PATJ: variants seen among roughly 807,000 people sequenced by gnomAD.
PATJ encodes PATJ crumbs cell polarity complex component, also known as inaD-like protein.
In PATJ, 190 loss-of-function variants were observed where a neutral mutation model predicts 224.9. The observed-to-expected ratio is 0.84, with a 90% confidence interval of 0.75 to 0.95. The LOEUF (loss-of-function observed/expected upper bound fraction) is 0.95, where lower values mean the gene tolerates loss of function less well. Ranked by LOEUF, PATJ falls within the 40% of genes least tolerant of loss-of-function variation. The pLI, the probability that PATJ is intolerant of heterozygous loss-of-function variation, is 0.00. For synonymous variants in PATJ, 769 were observed against 820.3 expected (o/e 0.94, Z 1.07); for missense variants, 2,121 against 2,270.3 (o/e 0.93, Z 1.34).
At chr1:61,792,503 T>C (rs1650093137) in intron 9 of PATJ, among the ~76,000 whole-genome samples, 2 of 152,258 alleles carry the variant, frequency 1.3e-5, no homozygotes, top group Admixed American at 1.3e-4. Context: ...AGTATCATTT[T>C]ACTATTTTAC....
At chr1:61,823,789 C>T (rs1005406755) in intron 15 of PATJ, among the ~76,000 whole-genome samples, 3 of 151,878 alleles carry the variant, frequency 2.0e-5, no homozygotes, top group Admixed American at 2.0e-4. Flanking sequence ...ACAGGGATAC[C>T]AAGTAGGTCT....
chr1:61,929,691 G>A (rs778071043), intron 27 of PATJ, among the ~76,000 whole-genome samples: 6 of 152,072 alleles, frequency 3.9e-5, no homozygotes, highest in Non-Finnish European at 8.8e-5. Context: ...TAACATCATC[G>A]ATACTTGCTG....
chr1:61,775,831 A>G (rs2148402165), intron 7 of PATJ, among the ~76,000 whole-genome samples: 1 of 152,308 alleles, frequency 6.6e-6, no homozygotes, highest in African/African-American at 2.4e-5. Context: ...AAAATTAGCA[A>G]CTGTTTCTGC....
At chr1:61,747,850 G>A (rs1273827962) in intron 1 of PATJ, among the ~76,000 whole-genome samples, 1 of 152,208 alleles carries the variant, frequency 6.6e-6, no homozygotes, top group Non-Finnish European at 1.5e-5. Flanking sequence ...GAAATGTGCT[G>A]TAAATGCACA....
At chr1:61,791,804 G>A (rs1649927578) in intron 9 of PATJ, among the ~76,000 whole-genome samples, 1 of 151,800 alleles carries the variant, frequency 6.6e-6, no homozygotes, top group Non-Finnish European at 1.5e-5. Flanking sequence ...TATTGTAAAT[G>A]TTCCCAAAGT....
rs1372747156 is a variant in PATJ, at chr1:62,106,156, G to GTATA, written c.4378-2280_4378-2279insATAT. 1.2e-3 allele frequency among the ~76,000 whole-genome samples: 64 copies of GTATA among 54,864 alleles called. 7 individuals are homozygous for GTATA. The highest frequency in any genetic ancestry group is 2.5e-3 in the South Asian group (3 of 1,214). 36.0% of individuals were successfully genotyped at this position (54,864 alleles called of 152,430 possible). On this transcript the variant is annotated intron_variant, in intron 33 of 43. Coordinates refer to ENST00000642238, the MANE Select transcript of PATJ (RefSeq NM_001350145.3). ...TATACATGTGTATATGTGTGTGTGT[G>GTATA]TGTATATATATATATATATATATAT...
At chr1:62,012,394 A>G (rs1646506570) in intron 28 of PATJ, among the ~76,000 whole-genome samples, 1 of 152,222 alleles carries the variant, frequency 6.6e-6, no homozygotes, top group African/African-American at 2.4e-5. Flanking sequence ...TGAGTTTAGC[A>G]CGGTGTTCTG....
At chr1:62,094,991 A>G (rs956195990) in intron 33 of PATJ, among the ~76,000 whole-genome samples, 1 of 152,220 alleles carries the variant, frequency 6.6e-6, no homozygotes, top group East Asian at 1.9e-4. Context: ...ATGATCAGTA[A>G]GTTCCTTTGA....
In PATJ at chr1:62,116,884, G is replaced by T. The variant is rs549165754; in HGVS notation, c.4803+205G>T. 1.8e-3 allele frequency among the ~76,000 whole-genome samples: 269 copies of T among 152,306 alleles called. 2 individuals are homozygous for T. Among genetic ancestry groups the T allele is most frequent in the South Asian group, 0.012 (56 of 4,826 alleles). On this transcript the variant is annotated intron_variant, in intron 36 of 43. Transcript: ENST00000642238. Reference sequence around the variant, plus strand: ...TGACTAACAGAATGAAAGGGAACCTGCTTTGGGATTTCACAAGCAAGTTTT... The same window carrying T: ...TGACTAACAGAATGAAAGGGAACCTTCTTTGGGATTTCACAAGCAAGTTTT...
intron 17 of PATJ, among the ~76,000 whole-genome samples, chr1:61,843,985 T>C (rs908016923): frequency 6.6e-6 from 1 of 152,150 alleles, no homozygotes; most frequent in Non-Finnish European, 1.5e-5. Flanking sequence ...GTTCTAGGCA[T>C]TGGGGAGCTA....
chr1:61,859,531 GTCTC>G (rs139509799), intron 18 of PATJ, among the ~76,000 whole-genome samples: 3 of 150,220 alleles, frequency 2.0e-5, no homozygotes, highest in Admixed American at 6.6e-5. Flanking sequence ...TCTCTGAGGT[GTCTC>G]TCTCTCTCTC....
At position 61,924,930 on chromosome 1, in the gene PATJ, C is replaced by CAAACAAGAA. The variant is rs1571318146; in HGVS notation, c.3571-2800_3571-2799insAAACAAGAA. 7.4e-5 allele frequency among the ~76,000 whole-genome samples: 4 copies of CAAACAAGAA among 54,312 alleles called. 2 individuals are homozygous for CAAACAAGAA. Among genetic ancestry groups the CAAACAAGAA allele is most frequent in the African/African-American group, 4.3e-4 (4 of 9,316 alleles). The allele number at this position is 54,312 out of a possible 152,430, so 35.6% of individuals were successfully genotyped here. On this transcript the variant is annotated intron_variant, in intron 26 of 43. Transcript: ENST00000642238. ...GTTCTTGTACAAAAAGACAGACAGG[C>CAAACAAGAA]GGCCGGGCGCGGTGGCTCACGCCTG...
intron 28 of PATJ, among the ~76,000 whole-genome samples, chr1:62,001,995 A>G (rs2149611566): frequency 1.3e-5 from 2 of 152,270 alleles, no homozygotes; most frequent in Admixed American, 1.3e-4. Context: ...TAAAAAAATA[A>G]TGAATGAGAA....
At chr1:62,159,635 T>G (rs1408097306) in intron 43 of PATJ, among the ~76,000 whole-genome samples, 2 of 145,912 alleles carry the variant, frequency 1.4e-5, no homozygotes, top group African/African-American at 5.1e-5. Context: ...CTCAGCTCAC[T>G]CCAACCTCTG....
chr1:61,800,245 C>T (rs555841222), intron 11 of PATJ, among the ~76,000 whole-genome samples: 99 of 152,334 alleles, frequency 6.5e-4, no homozygotes, highest in South Asian at 1.9e-3. Context: ...CTTTTCTCCA[C>T]ATCCTTGCCA....
intron 16 of PATJ, 64 bp from the exon 17 acceptor site, chr1:61,833,590 T>C: frequency 6.9e-7 from 1 of 1,452,464 alleles, no homozygotes; most frequent in Non-Finnish European, 9.3e-7. Flanking sequence ...ATTCTTGATG[T>C]GTGCATTCTT....
chr1:61,765,111 T>C (rs949437733), intron 3 of PATJ, among the ~76,000 whole-genome samples: 1 of 129,416 alleles, frequency 7.7e-6, no homozygotes, highest in Non-Finnish European at 1.6e-5. Flanking sequence ...AGGCAGAGTA[T>C]TTGCCTGGGC....
At position 62,131,902 on chromosome 1, in the gene PATJ, C is replaced by G. The variant is rs148772128; in HGVS notation, c.5271+2957C>G. Among the ~76,000 whole-genome samples the G allele has an allele frequency of 3.0e-3, 446 of 149,796 alleles. 16 individuals carry two copies. In the East Asian group the frequency reaches 0.077, roughly 26 times the overall value. ...TTTTTTTTTGAGATGGAGTCTCGCT[C>G]TGTTGTCTAGGCTGGAGTGCACTGC... On this transcript the variant is annotated intron_variant, in intron 41 of 43. Coordinates refer to ENST00000642238, the MANE Select transcript of PATJ (RefSeq NM_001350145.3).
chr1:61,895,201 G>T (rs1377581368), intron 22 of PATJ, among the ~76,000 whole-genome samples: 3 of 152,222 alleles, frequency 2.0e-5, no homozygotes, highest in African/African-American at 7.2e-5. Flanking sequence ...TAGAAAATTT[G>T]CAGCCTGACC....
Sources: gnomAD v4.1 joint callset for allele counts (sites outside exome capture counted in the v4.1 genomes callset) on GRCh38, gnomAD v4.1.1 for gene constraint, MANE v1.5 for transcripts, NCBI Gene and HGNC (gene_info 2026-07-23, HGNC 2026-07-21) for gene names.